Variants in DDX24 observed in about 807,000 individuals in gnomAD.
DDX24 encodes DEAD-box helicase 24, also known as ATP-dependent RNA helicase DDX24.
A neutral mutation model predicts 68.9 loss-of-function variants in DDX24; 24 were observed. The ratio of observed to expected loss-of-function variants is 0.35; its 90% confidence interval spans 0.25 to 0.49. The LOEUF is 0.49. DDX24 is among the 20% of genes least tolerant of loss of function. The pLI is 0.99. For missense variants in DDX24, 989 were observed against 1,039.0 expected (o/e 0.95, Z 0.66); for synonymous variants, 395 against 385.2 (o/e 1.03, Z -0.30).
At position 94,057,875 on chromosome 14, in the gene DDX24, C is replaced by T. The variant is rs1208546934; in HGVS notation, c.1936G>A (p.Val646Met). ...LEDCVLLATD[V>M]AARGLDIPKV... ...GGAATATCCAGACCCCGAGCTGCCA[C>T]ATCTGTTGCCAAGAGAACACAGCTG... Residue 646 changes from valine to methionine, a missense_variant, in exon 6 of 9, where the codon GTG becomes ATG. Val to Met is a conservative substitution (Grantham distance 21). Around this residue, in one of 3 missense-constraint regions of DDX24, gnomAD observed 691 missense variants for 760.0 expected, o/e 0.91. Transcript: ENST00000621632. The T allele has an allele frequency of 1.2e-6, 2 of 1,613,892 alleles. No homozygotes were observed. The highest frequency in any genetic ancestry group is 2.2e-5 in the East Asian group (1 of 44,870).
At chr14:94,058,955 A>T (rs1405422906) in intron 5 of DDX24, among the ~76,000 whole-genome samples, 1 of 152,196 alleles carries the variant, frequency 6.6e-6, no homozygotes, top group Non-Finnish European at 1.5e-5. Context: ...AACAGGCAGC[A>T]GCCAGGTGTG....
intron 4 of DDX24, 43 bp from the exon 5 acceptor site, chr14:94,060,656 TAA>T: frequency 6.3e-7 from 1 of 1,593,296 alleles, no homozygotes; most frequent in Non-Finnish European, 8.6e-7. Flanking sequence ...AGCAGCGGGT[TAA>T]GAGGAATCAT....
intron 7 of DDX24, 111 bp from the exon 8 acceptor site, chr14:94,053,238 C>G: frequency 6.9e-7 from 1 of 1,455,440 alleles, no homozygotes; most frequent in Non-Finnish European, 9.3e-7. Context: ...ACTCTGCTGC[C>G]CAGGCTGGAG....
intron 8 of DDX24, among the ~76,000 whole-genome samples, chr14:94,052,007 C>T (rs1885397129): frequency 6.6e-6 from 1 of 152,220 alleles, no homozygotes; most frequent in South Asian, 2.1e-4. Context: ...CTCAGTCTGT[C>T]CTCAGGAAGG....
intron 6 of DDX24, chr14:94,055,950 T>C (rs1885484289): frequency 6.6e-6 from 1 of 152,248 alleles, no homozygotes; most frequent in South Asian, 2.1e-4. Flanking sequence ...TTTTAGAAAG[T>C]ACTTTCCAAC....
chr14:94,065,271 C>G (rs1471066850), intron 2 of DDX24, among the ~76,000 whole-genome samples: 1 of 151,762 alleles, frequency 6.6e-6, no homozygotes, highest in Non-Finnish European at 1.5e-5. Context: ...CCAGGATGGT[C>G]TCTATCTCTT....
intron 3 of DDX24, among the ~76,000 whole-genome samples, chr14:94,061,565 A>T: frequency 6.6e-6 from 1 of 152,200 alleles, no homozygotes. Flanking sequence ...TTGGTAATTA[A>T]TTGCTGCTTT....
At chr14:94,065,254 A>G (rs572613268) in intron 2 of DDX24, among the ~76,000 whole-genome samples, 6 of 151,858 alleles carry the variant, frequency 4.0e-5, no homozygotes, top group African/African-American at 1.5e-4. Flanking sequence ...CAGTTTCACC[A>G]TGTTGGCCAG....
chr14:94,062,931 G>A (rs1885628135), intron 2 of DDX24, among the ~76,000 whole-genome samples: 1 of 152,236 alleles, frequency 6.6e-6, no homozygotes, highest in Admixed American at 6.5e-5. Context: ...TTTCTGTGAG[G>A]AGCAGGAAAC....
intron 5 of DDX24, 88 bp downstream of exon 5, chr14:94,060,010 G>A: frequency 6.8e-7 from 1 of 1,465,062 alleles, no homozygotes; most frequent in East Asian, 2.3e-5. Context: ...GACAGAAGGT[G>A]GCTTTTCTAC....
intron 1 of DDX24, among the ~76,000 whole-genome samples, 194 bp downstream of exon 1, chr14:94,080,925 G>A (rs993778835): frequency 2.0e-5 from 3 of 152,176 alleles, no homozygotes; most frequent in Non-Finnish European, 4.4e-5. Flanking sequence ...AAGGCCGTCA[G>A]GCTCTGATGA....
Position 94,053,091 on chromosome 14 carries a change from C to T in DDX24, c.2215G>A (p.Glu739Lys). Residue 739 changes from glutamate (E) to lysine (K), a missense_variant, in exon 8 of 9, where the codon GAG becomes AAG. Around this residue, in one of 3 missense-constraint regions of DDX24, gnomAD observed 691 missense variants for 760.0 expected, o/e 0.91. Coordinates refer to ENST00000621632, the MANE Select transcript of DDX24 (RefSeq NM_020414.4). ...IRLARQIEKS[E>K]YRNFQACLHN... ...AGGCAAGCCTGGAAGTTCCGATACTCAGATTTCTCAATCTGTCGAGCTAAA... is the reference window on the plus strand; with the variant it reads ...AGGCAAGCCTGGAAGTTCCGATACTTAGATTTCTCAATCTGTCGAGCTAAA... 1 of 1,614,236 alleles carries T rather than the reference C, an allele frequency of 6.2e-7. No homozygotes were observed. Among genetic ancestry groups the T allele is most frequent in the Non-Finnish European group, 8.5e-7 (1 of 1,180,040 alleles).
intron 2 of DDX24, among the ~76,000 whole-genome samples, chr14:94,063,442 C>T (rs765806396): frequency 1.3e-5 from 2 of 152,162 alleles, no homozygotes; most frequent in African/African-American, 4.8e-5. Context: ...TAACCCTACA[C>T]CCACTCAAAA....
chr14:94,053,358 C>CTTTTT lies in DDX24; in HGVS notation c.2179-236_2179-232dup, dbSNP rs1160011824. The stretch of plus-strand genomic sequence containing the variant: ...AGGCACCACCATGCCTAGGTAATTT[C>CTTTTT]TTTTTTTTTTTTTTTTTTTTTTTTT... On this transcript the variant is annotated intron_variant, in intron 7 of 8. Coordinates refer to ENST00000621632, the MANE Select transcript of DDX24 (RefSeq NM_020414.4). 3.2e-4 allele frequency: 40 copies of CTTTTT among 124,776 alleles called. 1 individual carries two copies. The highest frequency in any genetic ancestry group is 3.4e-4 in the Non-Finnish European group (25 of 73,724). The allele number at this position is 124,776 out of a possible 1,614,324, so 7.7% of individuals were successfully genotyped here.
In DDX24 at chr14:94,057,888, G is replaced by C. The variant is rs769600822; in HGVS notation, c.1923C>G (p.Leu641=). ...EQFARLEDCV[L]LATDVAARGL... is the part of the protein sequence containing the mutation. ...CCCGAGCTGCCACATCTGTTGCCAA[G>C]AGAACACAGCTGGGGTAGAGAGAGA... is the stretch of plus-strand genomic sequence containing the variant. The change falls in exon 6 of 9, where the codon CTC becomes CTG. Residue 641 remains leucine, a synonymous_variant. Transcript: ENST00000621632. The C allele has an allele frequency of 6.2e-7, 1 of 1,614,004 alleles. No individual in the cohort carries two copies. The highest frequency in any genetic ancestry group is 2.2e-5 in the East Asian group (1 of 44,872).
At position 94,051,169 on chromosome 14, in the gene DDX24, A is replaced by G. The variant is rs1801970598; in HGVS notation, c.*22T>C. The G allele has an allele frequency of 1.3e-6, 2 of 1,485,530 alleles. No homozygotes were observed. Among genetic ancestry groups the G allele is most frequent in the East Asian group, 4.8e-5 (2 of 41,902 alleles). 92.0% of individuals were successfully genotyped at this position (1,485,530 alleles called of 1,614,324 possible). A position where few individuals can be genotyped will look rare whatever the true frequency, so the allele number is the denominator to read the frequency against. On this transcript the variant is annotated 3_prime_UTR_variant, in exon 9 of 9. Coordinates refer to ENST00000621632, the MANE Select transcript of DDX24 (RefSeq NM_020414.4). Reference sequence around the variant, plus strand: ...AGCCAGAGAACAGAAACCAATGTGCAGTCACTGACACACTTGACCAGTTAA... The same window carrying G: ...AGCCAGAGAACAGAAACCAATGTGCGGTCACTGACACACTTGACCAGTTAA...
At chr14:94,063,243 A>T (rs952299422) in intron 2 of DDX24, among the ~76,000 whole-genome samples, 1 of 152,240 alleles carries the variant, frequency 6.6e-6, no homozygotes, top group Non-Finnish European at 1.5e-5. Flanking sequence ...CAAAGGAAAT[A>T]AGCAGCTCTC....
chr14:94,060,923 G>A lies in DDX24; in HGVS notation c.1387C>T (p.Arg463Trp), dbSNP rs201694454. The stretch of plus-strand genomic sequence containing the variant: ...AGTGCCATCTATTACCTGAGCTGCC[G>A]AAGGTTCCTCAAATGATAATGCTTT... ...KEKHYHLRNLRQLRCLVVDEA... is the reference protein window; with the variant it reads ...KEKHYHLRNLWQLRCLVVDEA... The change falls in exon 4 of 9, where the codon CGG becomes TGG. Residue 463 changes from arginine (R) to tryptophan (W), a missense_variant. By Grantham distance (101) the Arg-to-Trp change is moderately radical. Coordinates refer to ENST00000621632, the MANE Select transcript of DDX24 (RefSeq NM_020414.4). The A allele has an allele frequency of 3.5e-5, 57 of 1,614,062 alleles. No individual in the cohort carries two copies. Among genetic ancestry groups the A allele is most frequent in the Non-Finnish European group, 4.7e-5 (56 of 1,180,022 alleles).
intron 6 of DDX24, 172 bp downstream of exon 6, chr14:94,057,650 G>T: frequency 1.7e-6 from 1 of 575,722 alleles, no homozygotes; most frequent in Non-Finnish European, 3.0e-6. Flanking sequence ...GTTTTCTGGA[G>T]ACCAAATCTC....
Sources: allele counts gnomAD v4.1 joint callset (sites outside exome capture counted in the v4.1 genomes callset), GRCh38; gene constraint gnomAD v4.1.1; regional missense constraint gnomAD v4.1.1; transcripts MANE v1.5; gene names NCBI Gene and HGNC (gene_info 2026-07-23, HGNC 2026-07-21).